The following SBF2 variants were observed in gnomAD, a reference collection of about 807,000 sequenced individuals.
SBF2 encodes myotubularin-related protein 13.
Under a neutral mutation model 225.2 loss-of-function variants are expected in SBF2, and 112 were observed. That is an observed-to-expected ratio of 0.50 (90% CI 0.43 to 0.58). The LOEUF is 0.58. Ranked by LOEUF, SBF2 falls within the 20% of genes least tolerant of loss-of-function variation. SBF2 has a pLI of 0.00. For synonymous variants in SBF2, 763 were observed against 773.3 expected (o/e 0.99, Z 0.22); for missense variants, 1,996 against 2,206.2 (o/e 0.90, Z 1.91).
At position 9,847,608 on chromosome 11, in the gene SBF2, T is replaced by C. The variant is rs190211554; in HGVS notation, c.2807-525A>G. Among the ~76,000 whole-genome samples the C allele has an allele frequency of 3.3e-3, 504 of 152,276 alleles. 3 individuals are homozygous for C. The highest frequency in any genetic ancestry group is 5.2e-3 in the South Asian group (25 of 4,824). The stretch of plus-strand genomic sequence containing the variant: ...GCAAAAGAGAATAGGTTTTTAAAGT[T>C]TGTTTCGAAATATGTAAAAGATGTT... On this transcript the variant is annotated intron_variant, in intron 22 of 39. Coordinates refer to ENST00000256190, the MANE Select transcript of SBF2 (RefSeq NM_030962.4).
chr11:9,789,368 T>C (rs1405906198), intron 34 of SBF2, 26 bp from the exon 35 acceptor site: 1 of 1,579,610 alleles, frequency 6.3e-7, no homozygotes. Flanking sequence ...GAAATATAGT[T>C]TCATCTTGAC....
chr11:9,912,205 C>T (rs1267980047), intron 16 of SBF2, among the ~76,000 whole-genome samples: 1 of 148,886 alleles, frequency 6.7e-6, no homozygotes, highest in Non-Finnish European at 1.5e-5. Flanking sequence ...ATCTCAGCTA[C>T]TCGGGAGGCT....
chr11:10,018,332 A>G (rs1002401580), intron 6 of SBF2, among the ~76,000 whole-genome samples: 2 of 152,164 alleles, frequency 1.3e-5, no homozygotes, highest in African/African-American at 4.8e-5. Flanking sequence ...CGGTTAAAAC[A>G]TAAAATAATA....
In SBF2 at chr11:9,808,133, C is replaced by A. The variant is rs752386549; in HGVS notation, c.4310G>T (p.Gly1437Val). ...LSDPFYRTLE[G>V]FQMLVEKEWL... ...CTCTTTTTCAACCAACATCTGGAAG[C>A]CTTCAAGTGTCCTATAAAAGGGATC... Residue 1437 changes from glycine (G) to valine (V), a missense_variant, in exon 32 of 40, where the codon GGC (glycine) becomes GTC (valine). Gly to Val is a moderately radical substitution (Grantham distance 109). Transcript: ENST00000256190. 2 of 1,614,162 alleles carry A rather than the reference C, an allele frequency of 1.2e-6. No individual in the cohort carries two copies. The highest frequency in any genetic ancestry group is 8.5e-7 in the Non-Finnish European group (1 of 1,180,018).
At chr11:9,877,069 A>G (rs1859316157) in intron 17 of SBF2, among the ~76,000 whole-genome samples, 2 of 152,110 alleles carry the variant, frequency 1.3e-5, no homozygotes, top group Non-Finnish European at 2.9e-5. Context: ...TTTAACAATT[A>G]TTTCATTCTA....
chr11:9,880,926 A>G (rs568840578), intron 17 of SBF2, among the ~76,000 whole-genome samples: 1 of 152,176 alleles, frequency 6.6e-6, no homozygotes, highest in Non-Finnish European at 1.5e-5. Flanking sequence ...CAAATTTAAG[A>G]AGGAGGAAAA....
chr11:9,823,264 A>G (rs553210602), intron 28 of SBF2, among the ~76,000 whole-genome samples: 86 of 152,328 alleles, frequency 5.6e-4, no homozygotes, highest in African/African-American at 2.0e-3. Context: ...GTAAAAAAGG[A>G]TGCAGCCCTT....
chr11:10,254,639 C>T lies in SBF2; in HGVS notation c.55+39376G>A, dbSNP rs115923314. On this transcript the variant is annotated intron_variant, in intron 1 of 39. Transcript: ENST00000256190. The stretch of plus-strand genomic sequence containing the variant: ...AAAAAAAAGAGGATGGGCACCGAGG[C>T]TCACGCCTGTAATCCCAGCATTATA... Among the ~76,000 whole-genome samples the T allele has an allele frequency of 2.7e-5, 4 of 150,886 alleles. No individual in the cohort carries two copies. The East Asian group carries it at 7.8e-4, about 29-fold the overall frequency.
At chr11:10,221,531 T>G (rs1958339675) in intron 1 of SBF2, among the ~76,000 whole-genome samples, 1 of 152,176 alleles carries the variant, frequency 6.6e-6, no homozygotes, top group Admixed American at 6.5e-5. Flanking sequence ...GCTACAAAGC[T>G]AGTATCTACA....
At chr11:10,159,695 G>A (rs1191015062) in intron 2 of SBF2, among the ~76,000 whole-genome samples, 1 of 152,138 alleles carries the variant, frequency 6.6e-6, no homozygotes, top group Non-Finnish European at 1.5e-5. Flanking sequence ...GAGGTCAGGA[G>A]ATCGAGACCA....
chr11:10,030,179 A>C (rs1417761105), intron 4 of SBF2, among the ~76,000 whole-genome samples: 1 of 152,192 alleles, frequency 6.6e-6, no homozygotes, highest in Non-Finnish European at 1.5e-5. Flanking sequence ...CCTCAACTTA[A>C]GTCTGTTAAA....
At chr11:9,783,061 G>A (rs1009189210) in intron 38 of SBF2, 4 of 130,226 alleles carry the variant, frequency 3.1e-5, no homozygotes, top group Non-Finnish European at 7.0e-5. Flanking sequence ...GCAGGGCTAA[G>A]TGGAAAAAAC....
At position 9,817,150 on chromosome 11, in the gene SBF2, G is replaced by A. The variant is rs577298167; in HGVS notation, c.3794-126C>T. The A allele has an allele frequency of 1.1e-3, 1,034 of 974,668 alleles. 7 individuals are homozygous for A. Among genetic ancestry groups the A allele is most frequent in the South Asian group, 6.1e-3 (453 of 73,896 alleles). 60.4% of individuals were successfully genotyped at this position (974,668 alleles called of 1,614,324 possible). ...TAGCAAGCTGATTAATCTAAAAACC[G>A]TAAGTCATATGGTCATTTGCTACTT... On this transcript the variant is annotated intron_variant, in intron 28 of 39. Transcript: ENST00000256190.
intron 2 of SBF2, among the ~76,000 whole-genome samples, chr11:10,134,956 C>G (rs532161339): frequency 6.6e-6 from 1 of 152,222 alleles, no homozygotes; most frequent in African/African-American, 2.4e-5. Flanking sequence ...TTCAACCCCA[C>G]GTTTCCCTTT....
intron 36 of SBF2, among the ~76,000 whole-genome samples, chr11:9,785,598 A>G (rs1162823132): frequency 1.3e-5 from 2 of 152,190 alleles, no homozygotes; most frequent in East Asian, 3.9e-4. Flanking sequence ...GTGGTGGCTC[A>G]TGCATGTAAT....
intron 1 of SBF2, among the ~76,000 whole-genome samples, chr11:10,214,709 C>G (rs1215065334): frequency 6.6e-6 from 1 of 152,148 alleles, no homozygotes; most frequent in African/African-American, 2.4e-5. Context: ...TTTAGCAAAG[C>G]TTTGCCTTCA....
chr11:10,299,776 A>G (rs1318639115), intron 1 of SBF2, among the ~76,000 whole-genome samples: 6 of 152,200 alleles, frequency 3.9e-5, no homozygotes, highest in African/African-American at 1.2e-4. Context: ...CCAGAGTACC[A>G]CCACCGTGCT....
intron 6 of SBF2, among the ~76,000 whole-genome samples, chr11:10,007,578 C>T (rs1056269460): frequency 2.0e-5 from 3 of 152,162 alleles, no homozygotes; most frequent in African/African-American, 7.2e-5. Context: ...CTTTGTTGGG[C>T]TTGTAAAATG....
At chr11:10,292,796 C>T (rs574495739) in intron 1 of SBF2, among the ~76,000 whole-genome samples, 1 of 151,526 alleles carries the variant, frequency 6.6e-6, no homozygotes, top group East Asian at 1.9e-4. Context: ...AGAAAAGAAA[C>T]ATCAGACTAT....
Sources: allele counts gnomAD v4.1 joint callset (sites outside exome capture counted in the v4.1 genomes callset), GRCh38; gene constraint gnomAD v4.1.1; transcripts MANE v1.5; gene names NCBI Gene and HGNC (gene_info 2026-07-23, HGNC 2026-07-21).